The following NTPCR variants were observed in gnomAD, a reference collection of about 807,000 sequenced individuals.
NTPCR encodes the protein nucleoside-triphosphatase, cancer-related.
In NTPCR, 15 loss-of-function variants were observed where a neutral mutation model predicts 19.5. That is an observed-to-expected ratio of 0.77 (90% CI 0.51 to 1.18). NTPCR has a LOEUF of 1.18. Ranked by LOEUF, NTPCR falls within the 50% of genes most tolerant of loss-of-function variation. NTPCR has a pLI of 0.00. For missense variants in NTPCR, 206 were observed against 240.4 expected, an observed-to-expected ratio of 0.86 and a Z score of 0.95; for synonymous variants, 90 against 95.8, an observed-to-expected ratio of 0.94 and a Z score of 0.36.
At position 232,961,232 on chromosome 1, in the gene NTPCR, A is replaced by C. The variant is rs192334018; in HGVS notation, c.294+4789A>C. On this transcript the variant is annotated intron_variant, in intron 3 of 4. Transcript: ENST00000366628. ...ATTGTAAGTAACCTTGCAACAAAGC[A>C]CCCTTTATACATGAATCTTTTTCTC... 2.7e-3 allele frequency among the ~76,000 whole-genome samples: 418 copies of C among 152,240 alleles called. 3 individuals are homozygous for C. Among genetic ancestry groups the C allele is most frequent in the African/African-American group, 9.7e-3 (404 of 41,512 alleles).
intron 3 of NTPCR, chr1:232,964,206 G>A (rs1181506527): frequency 6.6e-6 from 1 of 152,092 alleles, no homozygotes; most frequent in Non-Finnish European, 1.5e-5. Context: ...CATTTGTAAA[G>A]AATATAGTTC....
At chr1:232,954,373 G>T (rs1668455281) in intron 1 of NTPCR, among the ~76,000 whole-genome samples, 1 of 152,208 alleles carries the variant, frequency 6.6e-6, no homozygotes. Flanking sequence ...TTTATGTCAA[G>T]GAGGCTTAAA....
chr1:232,955,532 T>G, intron 1 of NTPCR, 25 bp from the exon 2 acceptor site: 1 of 446,972 alleles, frequency 2.2e-6, no homozygotes, highest in Non-Finnish European at 3.4e-6. Context: ...CTTTTCTTCT[T>G]TTTTTTTTTT....
Position 232,950,657 on chromosome 1 carries a change from C to T in NTPCR, c.-54C>T. 2.0e-6 allele frequency: 3 copies of T among 1,476,810 alleles called. No individual in the cohort carries two copies. The highest frequency in any genetic ancestry group is 1.1e-5 in the South Asian group (1 of 87,524). The allele number at this position is 1,476,810 out of a possible 1,614,324, so 91.5% of individuals were successfully genotyped here. On this transcript the variant is annotated 5_prime_UTR_variant, in exon 1 of 5. Coordinates refer to ENST00000366628, the MANE Select transcript of NTPCR (RefSeq NM_032324.3). ...CCTGGTCCGGACCTGACCTGAATTG[C>T]GACCCCAACCTGGACTGCTCCCCTG...
chr1:232,953,396 T>G (rs1195694396), intron 1 of NTPCR, among the ~76,000 whole-genome samples: 1 of 152,164 alleles, frequency 6.6e-6, no homozygotes, highest in Non-Finnish European at 1.5e-5. Flanking sequence ...AAGAAAAAAT[T>G]AACTGAAAGA....
intron 3 of NTPCR, chr1:232,966,739 G>A (rs972899150): frequency 2.0e-5 from 3 of 152,192 alleles, no homozygotes; most frequent in Non-Finnish European, 2.9e-5. Context: ...GAAACTAAAA[G>A]TGCGCTTCAT....
chr1:232,972,892 C>G (rs1669022441), intron 4 of NTPCR, among the ~76,000 whole-genome samples: 1 of 152,138 alleles, frequency 6.6e-6, no homozygotes, highest in African/African-American at 2.4e-5. Flanking sequence ...ATGATCTCTG[C>G]CCTCAAGAAA....
At chr1:232,965,936 A>T (rs1224580837) in intron 3 of NTPCR, 2 of 152,062 alleles carry the variant, frequency 1.3e-5, no homozygotes, top group East Asian at 1.9e-4. Flanking sequence ...TGTCCGGGGG[A>T]GCAGCTTCTG....
At position 232,955,589 on chromosome 1, in the gene NTPCR, A is replaced by G; in HGVS notation, c.67A>G (p.Ser23Gly). 6.2e-7 allele frequency: 1 copy of G among 1,606,528 alleles called. No homozygotes were observed. Among genetic ancestry groups the G allele is most frequent in the Non-Finnish European group, 8.5e-7 (1 of 1,177,690 alleles). The change falls in exon 2 of 5, where the codon AGT becomes GGT. Residue 23 changes from serine to glycine, a missense_variant. Transcript: ENST00000366628. ...AAAAACAACATTGATCCATAAAGCCAGTGAGGTTTTAAAATCCTCTGGTGT... is the reference window on the plus strand; with the variant it reads ...AAAAACAACATTGATCCATAAAGCCGGTGAGGTTTTAAAATCCTCTGGTGT... The part of the protein sequence containing the change: ...VGKTTLIHKA[S>G]EVLKSSGVPV...
In NTPCR at chr1:232,950,789, G is replaced by A. The variant is rs369886025; in HGVS notation, c.34+45G>A. Reference sequence around the variant, plus strand: ...CACCTCCAAGAGGTCGAGGGGGTGGGGGCGCGCGGGCTGCGGGCGACCTTG... The same window carrying A: ...CACCTCCAAGAGGTCGAGGGGGTGGAGGCGCGCGGGCTGCGGGCGACCTTG... On this transcript the variant is annotated intron_variant, in intron 1 of 4. Coordinates refer to ENST00000366628, the MANE Select transcript of NTPCR (RefSeq NM_032324.3). 1,010 of 1,404,132 alleles carry A rather than the reference G, an allele frequency of 7.2e-4. 1 individual carries two copies. The highest frequency in any genetic ancestry group is 9.2e-4 in the Non-Finnish European group (950 of 1,028,088). The allele number at this position is 1,404,132 out of a possible 1,614,324, so 87.0% of individuals were successfully genotyped here.
chr1:232,951,487 G>A (rs1157559381), intron 1 of NTPCR, among the ~76,000 whole-genome samples: 1 of 152,036 alleles, frequency 6.6e-6, no homozygotes, highest in African/African-American at 2.4e-5. Flanking sequence ...AAACCAAGGC[G>A]CTACCCATGT....
chr1:232,974,868 C>T (rs1471155869), intron 4 of NTPCR, among the ~76,000 whole-genome samples: 2 of 152,214 alleles, frequency 1.3e-5, no homozygotes. Flanking sequence ...AAAGGTCCCA[C>T]CTCTATTTGC....
chr1:232,964,362 T>G (rs1011250831), intron 3 of NTPCR: 20 of 152,198 alleles, frequency 1.3e-4, no homozygotes, highest in Non-Finnish European at 2.8e-4. Context: ...TGATATTAAT[T>G]TTGATTACCT....
chr1:232,964,475 C>A (rs1668760202), intron 3 of NTPCR: 1 of 152,150 alleles, frequency 6.6e-6, no homozygotes, highest in South Asian at 2.1e-4. Context: ...GCACATCCTC[C>A]TCATCAGATT....
intron 3 of NTPCR, chr1:232,964,884 G>A (rs1668769932): frequency 6.6e-6 from 1 of 152,168 alleles, no homozygotes; most frequent in Admixed American, 6.5e-5. Context: ...TACTAAGCAA[G>A]TGAAATTTTT....
chr1:232,971,942 T>A (rs911850779), intron 4 of NTPCR, among the ~76,000 whole-genome samples: 2 of 152,194 alleles, frequency 1.3e-5, no homozygotes, highest in African/African-American at 4.8e-5. Flanking sequence ...TGAAAGAAAA[T>A]TAGTTTTGAG....
intron 3 of NTPCR, chr1:232,963,910 A>G (rs565225526): frequency 6.6e-6 from 1 of 151,588 alleles, no homozygotes; most frequent in East Asian, 1.9e-4. Flanking sequence ...GGGGGTGACT[A>G]TTTGAGAATA....
rs978331817 is a variant in NTPCR at position 232,980,336 on chromosome 1, C to G, written c.*2105C>G. The stretch of plus-strand genomic sequence containing the variant: ...GCTTGGAGTGTTTAAGTGGTTCGTT[C>G]AGGAGCACAGTGATAGCGGTGACAA... On this transcript the variant is annotated 3_prime_UTR_variant, in exon 5 of 5. Transcript: ENST00000366628. 1 of 152,178 alleles carries G rather than the reference C, an allele frequency of 6.6e-6. No individual in the cohort carries two copies. The allele number at this position is 152,178 out of a possible 1,614,324, so 9.4% of individuals were successfully genotyped here.
chr1:232,955,446 C>A, intron 1 of NTPCR, 111 bp from the exon 2 acceptor site: 2 of 809,342 alleles, frequency 2.5e-6, no homozygotes, highest in Non-Finnish European at 3.7e-6. Context: ...CAGCCCATTT[C>A]TCTACCCACC....
Sources: allele counts gnomAD v4.1 joint callset (sites outside exome capture counted in the v4.1 genomes callset), GRCh38; gene constraint gnomAD v4.1.1; transcripts MANE v1.5; gene names NCBI Gene and HGNC (gene_info 2026-07-23, HGNC 2026-07-21).